The following MRPL1 variants were observed in gnomAD, a reference collection of about 807,000 sequenced individuals.
MRPL1 encodes mitochondrial ribosomal protein L1.
In MRPL1, 28 loss-of-function variants were observed where a neutral mutation model predicts 38.0. The ratio of observed to expected loss-of-function variants is 0.74; its 90% CI spans 0.55 to 1.01. MRPL1 has a LOEUF of 1.01. Ranked by LOEUF, MRPL1 falls within the 50% of genes least tolerant of loss-of-function variation. The pLI, the probability that MRPL1 is intolerant of heterozygous loss-of-function variation, is 0.00. For missense variants in MRPL1, 358 were observed against 389.8 expected (o/e 0.92, Z 0.69); for synonymous variants, 123 against 126.7 (o/e 0.97, Z 0.20).
intron 7 of MRPL1, among the ~76,000 whole-genome samples, chr4:77,912,744 A>G (rs1736318624): frequency 6.6e-6 from 1 of 152,194 alleles, no homozygotes. Context: ...AGAATAGCTA[A>G]GACAACTTTT....
intron 1 of MRPL1, among the ~76,000 whole-genome samples, chr4:77,866,833 C>T (rs1266144942): frequency 4.0e-5 from 6 of 151,666 alleles, no homozygotes; most frequent in South Asian, 2.1e-4. Flanking sequence ...CTGCAACCTC[C>T]GCCTCCTGGG....
intron 7 of MRPL1, among the ~76,000 whole-genome samples, chr4:77,931,809 T>G (rs1302470236): frequency 8.5e-5 from 13 of 152,184 alleles, no homozygotes; most frequent in African/African-American, 3.1e-4. Flanking sequence ...CATAAACAGA[T>G]GTTGGCTAGC....
rs755762268 is a variant in MRPL1 at position 77,877,048 on chromosome 4, G to A, written c.143+5193G>A. Among the ~76,000 whole-genome samples the A allele has an allele frequency of 2.6e-5, 4 of 152,162 alleles. No individual in the cohort carries two copies. The South Asian group carries it at 6.2e-4, about 24-fold the overall frequency. On this transcript the variant is annotated intron_variant, in intron 2 of 8. Transcript: ENST00000315567. ...CCTGAGTAACAGGGATTACAGGCGC[G>A]CACCACCACGCCCAGCTAATTTTGT...
chr4:77,886,829 G>T (rs1735688688), intron 4 of MRPL1, among the ~76,000 whole-genome samples: 1 of 117,584 alleles, frequency 8.5e-6, no homozygotes, highest in African/African-American at 3.4e-5. Flanking sequence ...GTCTCACTCT[G>T]CCACCCAGGC....
intron 7 of MRPL1, among the ~76,000 whole-genome samples, chr4:77,942,307 C>A (rs1321160677): frequency 6.6e-6 from 1 of 152,046 alleles, no homozygotes; most frequent in Non-Finnish European, 1.5e-5. Flanking sequence ...GGAGACTGTT[C>A]CATGTGCTGA....
At chr4:77,863,962 T>C (rs932225177) in intron 1 of MRPL1, among the ~76,000 whole-genome samples, 1 of 151,000 alleles carries the variant, frequency 6.6e-6, no homozygotes, top group Non-Finnish European at 1.5e-5. Flanking sequence ...CTTGCAATCC[T>C]AGGTCAGTGA....
At chr4:77,863,096 G>A (rs1735041095) in intron 1 of MRPL1, 1 of 597,756 alleles carries the variant, frequency 1.7e-6, no homozygotes, top group Non-Finnish European at 2.9e-6. Flanking sequence ...GGGAGTGGGA[G>A]CGGGACGTAC....
intron 8 of MRPL1, among the ~76,000 whole-genome samples, chr4:77,951,418 G>A (rs1443266695): frequency 6.6e-6 from 1 of 152,206 alleles, no homozygotes; most frequent in African/African-American, 2.4e-5. Context: ...TAGTGAGTGT[G>A]TGTAGTTTGA....
intron 6 of MRPL1, among the ~76,000 whole-genome samples, chr4:77,897,378 A>T (rs1414454099): frequency 2.0e-5 from 3 of 152,258 alleles, no homozygotes; most frequent in Admixed American, 1.3e-4. Flanking sequence ...GCCAAAAAAA[A>T]ATCTTGACTT....
At chr4:77,869,183 G>A (rs368806409) in intron 1 of MRPL1, among the ~76,000 whole-genome samples, 2 of 152,124 alleles carry the variant, frequency 1.3e-5, no homozygotes, top group African/African-American at 4.8e-5. Context: ...GACCTCAAGG[G>A]AACTCTAACC....
chr4:77,946,272 C>T (rs1475871474), intron 7 of MRPL1, among the ~76,000 whole-genome samples: 1 of 152,154 alleles, frequency 6.6e-6, no homozygotes, highest in Non-Finnish European at 1.5e-5. Context: ...TTCTGCCTGA[C>T]CCCACAGGCA....
At chr4:77,941,256 ACT>A in intron 7 of MRPL1, among the ~76,000 whole-genome samples, 1 of 149,726 alleles carries the variant, frequency 6.7e-6, no homozygotes, top group Middle Eastern at 3.5e-3. Flanking sequence ...AAAGAGCAAA[ACT>A]CTGCCTCAGA....
chr4:77,887,046 C>G (rs1391525340), intron 4 of MRPL1, among the ~76,000 whole-genome samples, 174 bp from the exon 5 acceptor site: 1 of 152,130 alleles, frequency 6.6e-6, no homozygotes, highest in Admixed American at 6.5e-5. Context: ...GCCTCAGCCT[C>G]CCAAACTTCT....
rs1049063927 is a variant in MRPL1, at chr4:77,887,610, T to G, written c.558+319T>G. 3.3e-5 allele frequency among the ~76,000 whole-genome samples: 5 copies of G among 152,220 alleles called. No individual in the cohort carries two copies. In the South Asian group the frequency reaches 1.0e-3, roughly 32 times the overall value. On this transcript the variant is annotated intron_variant, in intron 5 of 8. Transcript: ENST00000315567. ...GTGCAATTATGGCTCACTGCAGCCT[T>G]GAACTCCTGAGCTCAAGCAATCCTC...
chr4:77,867,882 G>A (rs1434431514), intron 1 of MRPL1, among the ~76,000 whole-genome samples: 3 of 148,450 alleles, frequency 2.0e-5, no homozygotes, highest in African/African-American at 5.0e-5. Context: ...TCAGCCTCCC[G>A]AGTAGCTGAG....
chr4:77,884,572 A>G (rs937963890), intron 3 of MRPL1, among the ~76,000 whole-genome samples: 1 of 152,180 alleles, frequency 6.6e-6, no homozygotes, highest in African/African-American at 2.4e-5. Flanking sequence ...TTTATTTAGG[A>G]TTTTCCAATT....
chr4:77,864,056 T>C (rs374666634), intron 1 of MRPL1, among the ~76,000 whole-genome samples: 3 of 151,516 alleles, frequency 2.0e-5, no homozygotes, highest in Non-Finnish European at 2.9e-5. Context: ...AAGAGAGTTA[T>C]TGCTCAAAAA....
chr4:77,913,137 G>C (rs1736328076), intron 7 of MRPL1, among the ~76,000 whole-genome samples: 1 of 151,948 alleles, frequency 6.6e-6, no homozygotes, highest in Non-Finnish European at 1.5e-5. Flanking sequence ...GATAAGACAT[G>C]AAAAGCATGA....
At chr4:77,950,767 A>G (rs1348757931) in intron 8 of MRPL1, among the ~76,000 whole-genome samples, 1 of 152,194 alleles carries the variant, frequency 6.6e-6, no homozygotes, top group Non-Finnish European at 1.5e-5. Context: ...AGACAATAGT[A>G]GGAGTAGATG....
Sources: allele counts gnomAD v4.1 joint callset (sites outside exome capture counted in the v4.1 genomes callset), GRCh38; gene constraint gnomAD v4.1.1; transcripts MANE v1.5; gene names NCBI Gene and HGNC (gene_info 2026-07-23, HGNC 2026-07-21).